The following AUTS2 variants were observed in gnomAD, a reference collection of about 807,000 sequenced individuals.
AUTS2 encodes the protein autism susceptibility gene 2 protein.
Under a neutral mutation model 112.4 loss-of-function variants are expected in AUTS2, and 17 were observed. The observed-to-expected ratio is 0.15, with a 90% confidence interval of 0.10 to 0.23. The LOEUF (loss-of-function observed/expected upper bound fraction) is 0.23. Among genes scored for constraint, AUTS2 ranks in the 10% least tolerant of loss-of-function variants. The probability of loss-of-function intolerance (pLI) is 1.00; values close to 1 mark genes in which losing one functional copy is unlikely to be tolerated. For synonymous variants in AUTS2, 751 were observed against 702.7 expected (o/e 1.07, Z -1.09); for missense variants, 1,510 against 1,701.6 (o/e 0.89, Z 1.98).
chr7:70,771,779 G>A (rs188261408), intron 11 of AUTS2, 135 bp downstream of exon 11: 14 of 605,530 alleles, frequency 2.3e-5, no homozygotes, highest in Non-Finnish European at 3.7e-5. Context: ...TGGGATTAGA[G>A]TGAGCCTATT....
chr7:70,543,662 T>C (rs1049906690), intron 5 of AUTS2, among the ~76,000 whole-genome samples: 1 of 152,194 alleles, frequency 6.6e-6, no homozygotes, highest in Non-Finnish European at 1.5e-5. Context: ...TGTCCCGTCA[T>C]GCTTGCCTTC....
intron 2 of AUTS2, 77 bp downstream of exon 2, chr7:69,899,575 G>C: frequency 2.2e-6 from 3 of 1,371,380 alleles, no homozygotes; most frequent in South Asian, 2.5e-5. Context: ...GTGGTTTTTC[G>C]TAACAGGTGG....
intron 4 of AUTS2, among the ~76,000 whole-genome samples, chr7:70,245,627 G>A (rs1812884880): frequency 6.6e-6 from 1 of 152,018 alleles, no homozygotes; most frequent in South Asian, 2.1e-4. Flanking sequence ...ATATACTATG[G>A]TTTACATATA....
At chr7:69,748,284 C>T (rs919958827) in intron 1 of AUTS2, among the ~76,000 whole-genome samples, 11 of 152,072 alleles carry the variant, frequency 7.2e-5, no homozygotes, top group East Asian at 1.9e-4. Flanking sequence ...TGGGAAACTG[C>T]GTGTGTGGGG....
intron 4 of AUTS2, among the ~76,000 whole-genome samples, chr7:70,421,597 G>A (rs1012272104): frequency 3.3e-5 from 5 of 152,114 alleles, no homozygotes; most frequent in Admixed American, 1.3e-4. Context: ...TTCTCCACCC[G>A]CATTTGAATT....
chr7:70,653,074 G>A (rs777507206), intron 5 of AUTS2, among the ~76,000 whole-genome samples: 12 of 152,040 alleles, frequency 7.9e-5, no homozygotes, highest in East Asian at 3.9e-4. Context: ...GGGCAACATA[G>A]GAAGACTCTA....
chr7:70,447,374 A>G (rs991048188), intron 5 of AUTS2, among the ~76,000 whole-genome samples: 1 of 152,242 alleles, frequency 6.6e-6, no homozygotes, highest in African/African-American at 2.4e-5. Flanking sequence ...TCTGACTTCA[A>G]ATTCTATATG....
At chr7:69,727,156 T>C (rs554224753) in intron 1 of AUTS2, among the ~76,000 whole-genome samples, 39 of 152,326 alleles carry the variant, frequency 2.6e-4, no homozygotes, top group African/African-American at 9.1e-4. Context: ...TTTTGGTGTA[T>C]GTTCCATCAC....
At chr7:69,913,569 A>T (rs375329432) in intron 2 of AUTS2, among the ~76,000 whole-genome samples, 4 of 152,188 alleles carry the variant, frequency 2.6e-5, no homozygotes, top group South Asian at 2.1e-4. Flanking sequence ...TTGGGAAACA[A>T]CACCCTTAAA....
chr7:69,627,957 T>A (rs948734432), intron 1 of AUTS2, among the ~76,000 whole-genome samples: 1 of 152,216 alleles, frequency 6.6e-6, no homozygotes, highest in Non-Finnish European at 1.5e-5. Flanking sequence ...GATAATGTGA[T>A]AGAACTTCTT....
At chr7:69,794,832 C>T (rs1282916629) in intron 1 of AUTS2, among the ~76,000 whole-genome samples, 2 of 152,068 alleles carry the variant, frequency 1.3e-5, no homozygotes, top group African/African-American at 4.8e-5. Flanking sequence ...AGCTCATTTT[C>T]CTCCATTAGT....
intron 5 of AUTS2, among the ~76,000 whole-genome samples, chr7:70,581,754 A>C (rs1802458496): frequency 6.6e-6 from 1 of 152,190 alleles, no homozygotes; most frequent in Non-Finnish European, 1.5e-5. Flanking sequence ...GCCTTCCCTG[A>C]CTATAAAAGA....
At chr7:70,514,227 C>T (rs920526608) in intron 5 of AUTS2, among the ~76,000 whole-genome samples, 1 of 152,150 alleles carries the variant, frequency 6.6e-6, no homozygotes, top group Non-Finnish European at 1.5e-5. Flanking sequence ...AATATAATGA[C>T]GAAGTCCACA....
intron 5 of AUTS2, among the ~76,000 whole-genome samples, chr7:70,576,641 G>A (rs1011353789): frequency 6.6e-6 from 1 of 152,088 alleles, no homozygotes; most frequent in African/African-American, 2.4e-5. Flanking sequence ...CTGCCATTAG[G>A]TAGCTCTCCA....
intron 1 of AUTS2, among the ~76,000 whole-genome samples, chr7:69,630,700 A>G (rs940550178): frequency 6.6e-5 from 10 of 152,190 alleles, no homozygotes; most frequent in Non-Finnish European, 1.3e-4. Flanking sequence ...AAAACTTTAA[A>G]GTTTTCTTCC....
At chr7:69,965,028 A>G (rs903427620) in intron 2 of AUTS2, among the ~76,000 whole-genome samples, 1 of 151,938 alleles carries the variant, frequency 6.6e-6, no homozygotes, top group Non-Finnish European at 1.5e-5. Flanking sequence ...CATGTCACTC[A>G]TCTGCCCTCA....
At chr7:70,326,792 T>C (rs1010193854) in intron 4 of AUTS2, among the ~76,000 whole-genome samples, 8 of 152,148 alleles carry the variant, frequency 5.3e-5, no homozygotes, top group Non-Finnish European at 8.8e-5. Flanking sequence ...TGAGGAGACA[T>C]TGAATCCTCA....
chr7:69,987,940 G>A (rs2129551073), intron 2 of AUTS2, among the ~76,000 whole-genome samples: 1 of 152,248 alleles, frequency 6.6e-6, no homozygotes, highest in South Asian at 2.1e-4. Flanking sequence ...AAACCAAAAT[G>A]ACTACTAAGA....
intron 1 of AUTS2, among the ~76,000 whole-genome samples, chr7:69,890,964 G>C (rs1463636676): frequency 2.0e-5 from 3 of 152,208 alleles, no homozygotes; most frequent in Non-Finnish European, 4.4e-5. Context: ...AGGGCCCCTG[G>C]TTTTTAAAAA....
Sources: gnomAD v4.1 joint callset for allele counts (sites outside exome capture counted in the v4.1 genomes callset) on GRCh38, gnomAD v4.1.1 for gene constraint, MANE v1.5 for transcripts, NCBI Gene and HGNC (gene_info 2026-07-23, HGNC 2026-07-21) for gene names.